UGGT2: variants seen among roughly 807,000 people sequenced by gnomAD.
UGGT2 encodes UDP-glucose glycoprotein glucosyltransferase 2.
UGGT2 carries 180 observed loss-of-function variants against 192.1 expected under a neutral mutation model. The ratio of observed to expected loss-of-function variants is 0.94; its 90% CI spans 0.83 to 1.06. The LOEUF (loss-of-function observed/expected upper bound fraction) is 1.06. Among genes scored for constraint, UGGT2 ranks in the 50% least tolerant of loss-of-function variants. The pLI is 0.00. For synonymous variants in UGGT2, 580 were observed against 591.0 expected, an observed-to-expected ratio of 0.98 and a Z score of 0.27; for missense variants, 1,849 against 1,795.7, an observed-to-expected ratio of 1.03 and a Z score of -0.54.
At chr13:95,962,176 T>G (rs78311581) in intron 12 of UGGT2, among the ~76,000 whole-genome samples, 1 of 150,958 alleles carries the variant, frequency 6.6e-6, no homozygotes, top group African/African-American at 2.4e-5. Context: ...CTCAAGGAAA[T>G]AGAAAAGCAA....
chr13:95,965,061 G>C (rs1294436635), intron 12 of UGGT2, among the ~76,000 whole-genome samples: 1 of 150,772 alleles, frequency 6.6e-6, no homozygotes, highest in Non-Finnish European at 1.5e-5. Context: ...ACACCAGTTA[G>C]AATGGCGATC....
intron 5 of UGGT2, among the ~76,000 whole-genome samples, chr13:96,001,541 C>T (rs1431789354): frequency 1.3e-5 from 2 of 152,100 alleles, no homozygotes; most frequent in Admixed American, 1.3e-4. Context: ...TTCACACGGA[C>T]GCGCATGAAA....
intron 4 of UGGT2, among the ~76,000 whole-genome samples, chr13:96,016,511 A>C (rs1461663661): frequency 6.6e-6 from 1 of 152,354 alleles, no homozygotes; most frequent in African/African-American, 2.4e-5. Context: ...GGTAAAGCTC[A>C]GGTCACAGCT....
At chr13:95,889,011 G>C (rs1281698519) in intron 25 of UGGT2, among the ~76,000 whole-genome samples, 1 of 151,626 alleles carries the variant, frequency 6.6e-6, no homozygotes, top group Non-Finnish European at 1.5e-5. Context: ...TTAGAGACAG[G>C]GTCTTGCTAT....
chr13:95,950,943 T>A (rs1237198322), intron 12 of UGGT2, among the ~76,000 whole-genome samples: 1 of 152,060 alleles, frequency 6.6e-6, no homozygotes, highest in Non-Finnish European at 1.5e-5. Context: ...ATGAAAAAGA[T>A]CTAGCATATA....
chr13:95,807,809 C>A (rs1376192271), intron 38 of UGGT2, among the ~76,000 whole-genome samples: 2 of 146,186 alleles, frequency 1.4e-5, no homozygotes, highest in Non-Finnish European at 3.0e-5. Context: ...TGCACAACAT[C>A]TGGGCAGTTT....
At chr13:95,952,628 G>C (rs1288824879) in intron 12 of UGGT2, among the ~76,000 whole-genome samples, 1 of 152,048 alleles carries the variant, frequency 6.6e-6, no homozygotes, top group Non-Finnish European at 1.5e-5. Flanking sequence ...GGATATGGAA[G>C]GCCAATGATA....
At chr13:95,889,267 G>A (rs2047733031) in intron 25 of UGGT2, among the ~76,000 whole-genome samples, 1 of 152,066 alleles carries the variant, frequency 6.6e-6, no homozygotes, top group Admixed American at 6.6e-5. Context: ...ATATAAATTT[G>A]AAGGTATAAC....
chr13:96,002,181 CTCTCAGCTCTGCCTTA>C (rs2051828212), intron 5 of UGGT2, among the ~76,000 whole-genome samples: 1 of 152,180 alleles, frequency 6.6e-6, no homozygotes, highest in African/African-American at 2.4e-5. Context: ...TCTCATTTGC[CTCTCAGCTCTGCCTTA>C]TCTGACAGAG....
intron 12 of UGGT2, among the ~76,000 whole-genome samples, chr13:95,956,107 A>T (rs886783231): frequency 6.6e-6 from 1 of 152,240 alleles, no homozygotes. Context: ...AAGCTAAAAC[A>T]ATCTTGATAA....
At chr13:95,818,706 CAG>C (rs1361213318) in intron 38 of UGGT2, among the ~76,000 whole-genome samples, 1 of 152,000 alleles carries the variant, frequency 6.6e-6, no homozygotes, top group Admixed American at 6.6e-5. Flanking sequence ...ACTGGGGAGG[CAG>C]AGAGAGAAAG....
intron 8 of UGGT2, among the ~76,000 whole-genome samples, chr13:95,987,701 A>G (rs912647148): frequency 2.6e-5 from 4 of 152,146 alleles, no homozygotes; most frequent in Admixed American, 1.3e-4. Context: ...GATGTGCATG[A>G]AATCAGTCCT....
chr13:95,940,454 TC>T (rs370453697), intron 15 of UGGT2, among the ~76,000 whole-genome samples: 49 of 149,668 alleles, frequency 3.3e-4, no homozygotes, highest in African/African-American at 1.1e-3. Context: ...TTTTTCTTTT[TC>T]TTTTTTTTTT....
intron 36 of UGGT2, among the ~76,000 whole-genome samples, chr13:95,843,385 A>G (rs1888065994): frequency 6.6e-6 from 1 of 152,166 alleles, no homozygotes. Flanking sequence ...GCATCTTTTC[A>G]TGGAATTATT....
At chr13:95,880,877 TA>T (rs1319994800) in intron 27 of UGGT2, among the ~76,000 whole-genome samples, 1 of 152,018 alleles carries the variant, frequency 6.6e-6, no homozygotes, top group Non-Finnish European at 1.5e-5. Context: ...GGTATGTATA[TA>T]AAAAAACAAA....
rs866910489 is a variant in UGGT2 at position 95,813,281 on chromosome 13, T to C, written c.4529-11469A>G. ...TTAATGGTCGTGACCAAAATGCTGATAGTGATATGGACAGTGAAGTGAGCT... is the reference window on the plus strand; with the variant it reads ...TTAATGGTCGTGACCAAAATGCTGACAGTGATATGGACAGTGAAGTGAGCT... On this transcript the variant is annotated intron_variant, in intron 38 of 38. Coordinates refer to ENST00000376747, the MANE Select transcript of UGGT2 (RefSeq NM_020121.4). Among the ~76,000 whole-genome samples, 17 of 152,216 alleles carry C rather than the reference T, an allele frequency of 1.1e-4. No homozygotes were observed. The East Asian group carries it at 1.4e-3, about 12-fold the overall frequency.
At chr13:95,875,131 A>G (rs147657083) in intron 29 of UGGT2, among the ~76,000 whole-genome samples, 2 of 152,342 alleles carry the variant, frequency 1.3e-5, no homozygotes, top group Non-Finnish European at 2.9e-5. Flanking sequence ...CTTTTTATAA[A>G]GTTAGTCATT....
intron 38 of UGGT2, among the ~76,000 whole-genome samples, chr13:95,830,590 C>T (rs890401491): frequency 3.9e-5 from 6 of 152,156 alleles, no homozygotes; most frequent in Admixed American, 2.6e-4. Flanking sequence ...TACTGTCTCA[C>T]ACCAGTTAGA....
rs141590162 is a variant in UGGT2, at chr13:95,924,862, C to A, written c.2295+818G>T. On this transcript the variant is annotated intron_variant, in intron 20 of 38. Transcript: ENST00000376747. Reference sequence around the variant, plus strand: ...GTGAGTCATCTTAGAAGCTTGTCCTCCTGCTCCAGTGAAGCCTTCGGATCA... The same window carrying A: ...GTGAGTCATCTTAGAAGCTTGTCCTACTGCTCCAGTGAAGCCTTCGGATCA... Among the ~76,000 whole-genome samples the A allele has an allele frequency of 4.5e-4, 69 of 152,282 alleles. 1 individual carries two copies. Among genetic ancestry groups the A allele is most frequent in the African/African-American group, 1.5e-3 (64 of 41,556 alleles).
Sources: allele counts gnomAD v4.1 joint callset (sites outside exome capture counted in the v4.1 genomes callset), GRCh38; gene constraint gnomAD v4.1.1; transcripts MANE v1.5; gene names NCBI Gene and HGNC (gene_info 2026-07-23, HGNC 2026-07-21).